The following KCNIP4 variants were observed in gnomAD, a reference collection of about 807,000 sequenced individuals.
KCNIP4 encodes the protein potassium voltage-gated channel interacting protein 4.
Under a neutral mutation model 34.0 loss-of-function variants are expected in KCNIP4, and 12 were observed. The observed-to-expected ratio is 0.35, with a 90% CI of 0.23 to 0.57. The LOEUF is 0.57. Among genes scored for constraint, KCNIP4 ranks in the 20% least tolerant of loss-of-function variants. The pLI is 0.83. For missense variants in KCNIP4, 238 were observed against 311.7 expected (o/e 0.76, Z 1.78); for synonymous variants, 124 against 102.2 (o/e 1.21, Z -1.29).
chr4:21,511,890 T>C (rs1345253617), intron 1 of KCNIP4, among the ~76,000 whole-genome samples: 2 of 152,074 alleles, frequency 1.3e-5, no homozygotes, highest in East Asian at 1.9e-4. Flanking sequence ...CAAGACTTAA[T>C]TTGATTTTGT....
chr4:21,018,883 C>A (rs190374103), intron 1 of KCNIP4, among the ~76,000 whole-genome samples: 234 of 152,240 alleles, frequency 1.5e-3, no homozygotes, highest in Non-Finnish European at 2.5e-3. Flanking sequence ...AGGGTTAATT[C>A]TGAATTCAGA....
chr4:21,668,402 GTCA>G (rs1204843687), intron 1 of KCNIP4, among the ~76,000 whole-genome samples: 6 of 152,130 alleles, frequency 3.9e-5, no homozygotes, highest in Non-Finnish European at 8.8e-5. Flanking sequence ...GAAACTGCAT[GTCA>G]TCATTTACTA....
In KCNIP4 at chr4:21,130,886, TCAA is replaced by T. The variant is rs372467436; in HGVS notation, c.62-248180_62-248178del. On this transcript the variant is annotated intron_variant, in intron 1 of 8. Coordinates refer to ENST00000382152, the MANE Select transcript of KCNIP4 (RefSeq NM_025221.6). ...TACAGTCCAATATATCCATCATAAT[TCAA>T]AAACACTGTAAATTAAAAATTCACT... 1.8e-4 allele frequency among the ~76,000 whole-genome samples: 28 copies of T among 152,282 alleles called. No individual in the cohort carries two copies. The East Asian group carries it at 4.6e-3, about 25-fold the overall frequency.
chr4:21,054,691 C>G (rs1196286693), intron 1 of KCNIP4, among the ~76,000 whole-genome samples: 1 of 139,672 alleles, frequency 7.2e-6, no homozygotes, highest in Non-Finnish European at 1.5e-5. Flanking sequence ...ACTCAACAAA[C>G]CTGAATACTC....
In KCNIP4 at chr4:21,660,676, T is replaced by A. The variant is rs534622871; in HGVS notation, c.61+287895A>T. 7.9e-5 allele frequency among the ~76,000 whole-genome samples: 12 copies of A among 152,300 alleles called. No individual in the cohort carries two copies. In the East Asian group the frequency reaches 2.3e-3, roughly 29 times the overall value. The stretch of plus-strand genomic sequence containing the variant: ...GGACCTGGAGGTTAGAGTGGGCTCA[T>A]GAGATGTGGGGTTCTCTGTCCACTA... On this transcript the variant is annotated intron_variant, in intron 1 of 8. Transcript: ENST00000382152.
intron 1 of KCNIP4, among the ~76,000 whole-genome samples, chr4:21,048,413 C>T (rs1466514526): frequency 6.6e-6 from 1 of 152,126 alleles, no homozygotes; most frequent in Non-Finnish European, 1.5e-5. Flanking sequence ...TCACGTGGCC[C>T]TAATCTAATT....
rs568108799 is a variant in KCNIP4 at position 21,407,985 on chromosome 4, A to T, written c.62-525276T>A. On this transcript the variant is annotated intron_variant, in intron 1 of 8. Transcript: ENST00000382152. Reference sequence around the variant, plus strand: ...ACAGGCTAAAAAAATAAACAACTGAATCTCTCTAGGCCACAGCTGTCTTTC... The same window carrying T: ...ACAGGCTAAAAAAATAAACAACTGATTCTCTCTAGGCCACAGCTGTCTTTC... Among the ~76,000 whole-genome samples the T allele has an allele frequency of 3.3e-5, 5 of 152,296 alleles. No individual in the cohort carries two copies. In the South Asian group the frequency reaches 1.0e-3, roughly 32 times the overall value.
chr4:21,507,083 C>T (rs533455770), intron 1 of KCNIP4, among the ~76,000 whole-genome samples: 6 of 151,842 alleles, frequency 4.0e-5, no homozygotes, highest in South Asian at 2.1e-4. Context: ...CCACCACACC[C>T]GGCAATAATA....
At chr4:21,662,643 TA>T (rs1414922770) in intron 1 of KCNIP4, among the ~76,000 whole-genome samples, 1 of 152,232 alleles carries the variant, frequency 6.6e-6, no homozygotes, top group Non-Finnish European at 1.5e-5. Context: ...TGTTTCTATA[TA>T]AAAATGATTG....
intron 2 of KCNIP4, among the ~76,000 whole-genome samples, chr4:20,864,039 T>C (rs1722504331): frequency 1.0e-5 from 1 of 96,430 alleles, no homozygotes; most frequent in African/African-American, 6.1e-5. Flanking sequence ...CATATGTATG[T>C]ATACGCATGT....
At chr4:21,032,438 C>T (rs1414610489) in intron 1 of KCNIP4, among the ~76,000 whole-genome samples, 1 of 152,056 alleles carries the variant, frequency 6.6e-6, no homozygotes, top group East Asian at 1.9e-4. Context: ...CTTATAACCC[C>T]TCTAATACCA....
intron 1 of KCNIP4, among the ~76,000 whole-genome samples, chr4:21,120,985 A>G (rs546890904): frequency 6.6e-6 from 1 of 152,260 alleles, no homozygotes; most frequent in Non-Finnish European, 1.5e-5. Context: ...TTGCTGAAGA[A>G]TTCTGTAGAA....
intron 1 of KCNIP4, among the ~76,000 whole-genome samples, chr4:20,899,688 T>C (rs1577336007): frequency 6.6e-6 from 1 of 152,192 alleles, no homozygotes; most frequent in East Asian, 1.9e-4. Flanking sequence ...TGTCAAGAAT[T>C]TCATAACTTC....
rs553858857 is a variant in KCNIP4 at position 21,602,316 on chromosome 4, T to C, written c.61+346255A>G. 2.6e-5 allele frequency among the ~76,000 whole-genome samples: 4 copies of C among 152,246 alleles called. No individual in the cohort carries two copies. The South Asian group carries it at 6.2e-4, about 24-fold the overall frequency. ...TGTCCTTCTCCCAAATTAGACCTCC[T>C]TGGAGTAAAGGATGAATCTTATTCA... On this transcript the variant is annotated intron_variant, in intron 1 of 8. Transcript: ENST00000382152.
intron 1 of KCNIP4, among the ~76,000 whole-genome samples, chr4:21,346,165 A>G (rs1260564913): frequency 6.2e-5 from 1 of 16,102 alleles, no homozygotes; most frequent in Non-Finnish European, 1.3e-4. Context: ...TATAATATAT[A>G]GAAATCTGTA....
At chr4:21,201,136 T>C (rs1321267378) in intron 1 of KCNIP4, among the ~76,000 whole-genome samples, 2 of 152,198 alleles carry the variant, frequency 1.3e-5, no homozygotes, top group African/African-American at 4.8e-5. Flanking sequence ...AGAAGGAATG[T>C]GGAGGATTCA....
intron 1 of KCNIP4, among the ~76,000 whole-genome samples, chr4:21,190,551 C>T (rs1256649982): frequency 6.6e-6 from 1 of 151,972 alleles, no homozygotes; most frequent in African/African-American, 2.4e-5. Flanking sequence ...ATGTACCAGA[C>T]ATGGAATCAG....
At chr4:21,376,887 T>C (rs1721010089) in intron 1 of KCNIP4, among the ~76,000 whole-genome samples, 1 of 152,210 alleles carries the variant, frequency 6.6e-6, no homozygotes, top group Non-Finnish European at 1.5e-5. Context: ...TGACAGATTA[T>C]TATATCCATA....
Position 21,931,269 on chromosome 4 carries a change from TG to T in KCNIP4, c.61+17301del, listed in dbSNP as rs1212292822. On this transcript the variant is annotated intron_variant, in intron 1 of 8. Transcript: ENST00000382152. ...TTTTTATGAAAACTATCCTTTTCTT[TG>T]TTTTTTTTAAATTATACTTTAAGTT... Among the ~76,000 whole-genome samples the T allele has an allele frequency of 2.6e-5, 4 of 152,048 alleles. No homozygotes were observed. In the East Asian group the frequency reaches 7.8e-4, roughly 29 times the overall value.
Sources: allele counts gnomAD v4.1 joint callset (sites outside exome capture counted in the v4.1 genomes callset), GRCh38; gene constraint gnomAD v4.1.1; transcripts MANE v1.5; gene names NCBI Gene and HGNC (gene_info 2026-07-23, HGNC 2026-07-21).